Variants in GLIS3 observed in about 807,000 individuals in gnomAD.
GLIS3 encodes GLIS family zinc finger 3, also known as zinc finger protein GLIS3.
Under a neutral mutation model 78.6 loss-of-function variants are expected in GLIS3, and 53 were observed. The observed-to-expected ratio is 0.67, with a 90% confidence interval of 0.54 to 0.85. The LOEUF (loss-of-function observed/expected upper bound fraction) is 0.85, where lower values mean the gene tolerates loss of function less well. Ranked by LOEUF, GLIS3 falls within the 40% of genes least tolerant of loss-of-function variation. The probability of loss-of-function intolerance (pLI) is 0.00; values close to 1 mark genes in which losing one functional copy is unlikely to be tolerated. For missense variants in GLIS3, 1,703 were observed against 1,231.1 expected (o/e 1.38, Z -5.74); for synonymous variants, 684 against 509.9 (o/e 1.34, Z -4.60).
intron 4 of GLIS3, chr9:4,054,268 A>G (rs187810504): frequency 1.1e-6 from 1 of 876,302 alleles, no homozygotes; most frequent in Non-Finnish European, 1.4e-6. Context: ...TCACTGCTCT[A>G]TTCTCAGCAC....
intron 2 of GLIS3, among the ~76,000 whole-genome samples, chr9:4,131,469 C>T (rs1832966961): frequency 6.6e-6 from 1 of 152,088 alleles, no homozygotes; most frequent in African/African-American, 2.4e-5. Flanking sequence ...GGGATAGAGC[C>T]TTCATGAATG....
At chr9:4,087,861 C>A (rs1564028867) in intron 4 of GLIS3, among the ~76,000 whole-genome samples, 1 of 152,196 alleles carries the variant, frequency 6.6e-6, no homozygotes. Context: ...GAATTATTCT[C>A]TTTGGCCCCT....
At chr9:4,203,434 C>T (rs1057065849) in intron 2 of GLIS3, among the ~76,000 whole-genome samples, 1 of 152,190 alleles carries the variant, frequency 6.6e-6, no homozygotes, top group Non-Finnish European at 1.5e-5. Context: ...TCTCAAGGAA[C>T]TTAGAACACA....
intron 4 of GLIS3, among the ~76,000 whole-genome samples, chr9:4,099,006 A>AGACACATCT (rs1228920471): frequency 6.6e-6 from 1 of 152,176 alleles, no homozygotes; most frequent in African/African-American, 2.4e-5. Context: ...TGTGTCCCGA[A>AGACACATCT]GACACATCTG....
chr9:3,995,537 G>C (rs950307464), intron 4 of GLIS3, among the ~76,000 whole-genome samples: 1 of 151,704 alleles, frequency 6.6e-6, no homozygotes, highest in East Asian at 1.9e-4. Flanking sequence ...AGATATATAA[G>C]TATAAATAAA....
At chr9:4,453,345 C>CAAAA in the GLIS3 span, among the ~76,000 whole-genome samples, 3,021 of 91,436 alleles carry the variant, frequency 0.033, 115 homozygotes, top group South Asian at 0.066. Context: ...TTCTGCACAG[C>CAAAA]AAAAAAAAAA....
At chr9:4,317,601 C>G (rs968667298) in intron 2 of GLIS3, among the ~76,000 whole-genome samples, 1 of 152,148 alleles carries the variant, frequency 6.6e-6, no homozygotes, top group Non-Finnish European at 1.5e-5. Context: ...ATTATTCATC[C>G]TTTTATATGA....
intron 4 of GLIS3, among the ~76,000 whole-genome samples, chr9:4,050,804 G>C (rs895759489): frequency 6.6e-6 from 1 of 152,036 alleles, no homozygotes; most frequent in African/African-American, 2.4e-5. Flanking sequence ...ACTTTTACAA[G>C]ACTGGTTAGG....
chr9:4,410,087 C>T, the GLIS3 span, among the ~76,000 whole-genome samples: 3 of 151,994 alleles, frequency 2.0e-5, no homozygotes, highest in Non-Finnish European at 2.9e-5. Flanking sequence ...CCTAGTGCCT[C>T]AGCCTCCTAA....
chr9:4,483,531 A>C, the GLIS3 span, among the ~76,000 whole-genome samples: 10 of 152,158 alleles, frequency 6.6e-5, no homozygotes, highest in South Asian at 8.3e-4. Flanking sequence ...CAGCCTGACC[A>C]ACATGGTGAA....
At chr9:4,399,489 C>A in the GLIS3 span, among the ~76,000 whole-genome samples, 5 of 152,336 alleles carry the variant, frequency 3.3e-5, no homozygotes, top group Admixed American at 6.5e-5. Context: ...CCCAAGGTCT[C>A]ATAGCTGGCC....
chr9:3,869,549 T>C (rs1274261198), intron 8 of GLIS3, among the ~76,000 whole-genome samples: 3 of 152,226 alleles, frequency 2.0e-5, no homozygotes, highest in African/African-American at 7.2e-5. Context: ...CAACTATGCA[T>C]TGTATCAAAG....
upstream of GLIS3, among the ~76,000 whole-genome samples, chr9:4,350,812 T>TTG (rs1817961306): frequency 6.6e-6 from 1 of 151,910 alleles, no homozygotes; most frequent in African/African-American, 2.4e-5. Context: ...TTGTTTTGTT[T>TTG]TTGTTTTTGT....
At chr9:4,358,972 C>G in the GLIS3 span, among the ~76,000 whole-genome samples, 1 of 152,206 alleles carries the variant, frequency 6.6e-6, no homozygotes, top group Non-Finnish European at 1.5e-5. Flanking sequence ...TCCCTTAACA[C>G]TCCTCACTAG....
chr9:4,019,199 T>C (rs1327123378), intron 4 of GLIS3, among the ~76,000 whole-genome samples: 1 of 152,198 alleles, frequency 6.6e-6, no homozygotes, highest in African/African-American at 2.4e-5. Flanking sequence ...TGGAAGTTCT[T>C]ATGGAATGGC....
chr9:4,106,953 A>G (rs1457442732), intron 4 of GLIS3, among the ~76,000 whole-genome samples: 1 of 152,054 alleles, frequency 6.6e-6, no homozygotes, highest in Non-Finnish European at 1.5e-5. Context: ...AATCCACTTG[A>G]GATAGGGAGC....
chr9:4,011,742 G>A (rs765347996), intron 4 of GLIS3, among the ~76,000 whole-genome samples: 4 of 152,140 alleles, frequency 2.6e-5, no homozygotes, highest in Non-Finnish European at 4.4e-5. Flanking sequence ...TGCTTTGGTA[G>A]GCCAGACACC....
At chr9:4,147,511 T>C (rs1834318536) in intron 2 of GLIS3, 1 of 152,228 alleles carries the variant, frequency 6.6e-6, no homozygotes, top group African/African-American at 2.4e-5. Context: ...CAGACAGCTG[T>C]GCAGAGTACT....
chr9:4,197,068 G>C (rs191144581), intron 2 of GLIS3, among the ~76,000 whole-genome samples: 1 of 151,916 alleles, frequency 6.6e-6, no homozygotes, highest in Admixed American at 6.6e-5. Flanking sequence ...AGATCTCCAA[G>C]TATTCAGAGC....
Sources: gnomAD v4.1 joint callset for allele counts (sites outside exome capture counted in the v4.1 genomes callset) on GRCh38, gnomAD v4.1.1 for gene constraint, MANE v1.5 for transcripts, NCBI Gene and HGNC (gene_info 2026-07-23, HGNC 2026-07-21) for gene names.